The following NUP54 variants were observed in gnomAD, a reference collection of about 807,000 sequenced individuals.
NUP54 encodes the protein nucleoporin 54.
NUP54 carries 27 observed loss-of-function variants against 66.4 expected under a neutral mutation model. The ratio of observed to expected loss-of-function variants is 0.41; its 90% confidence interval spans 0.30 to 0.56. The LOEUF (loss-of-function observed/expected upper bound fraction) is 0.56, where lower values mean the gene tolerates loss of function less well. Among genes scored for constraint, NUP54 ranks in the 20% least tolerant of loss-of-function variants. The pLI, the probability that NUP54 is intolerant of heterozygous loss-of-function variation, is 0.34. For synonymous variants in NUP54, 206 were observed against 210.7 expected, an observed-to-expected ratio of 0.98 and a Z score of 0.19; for missense variants, 486 against 596.3, an observed-to-expected ratio of 0.82 and a Z score of 1.93.
intron 11 of NUP54, among the ~76,000 whole-genome samples, chr4:76,116,712 A>G (rs978245445): frequency 6.6e-6 from 1 of 152,208 alleles, no homozygotes; most frequent in Admixed American, 6.5e-5. Context: ...CTCAAACTTT[A>G]AAGTGCATAC....
chr4:76,124,812 C>CAG (rs1730397423), intron 8 of NUP54, 56 bp from the exon 9 acceptor site: 2 of 677,434 alleles, frequency 3.0e-6, no homozygotes, highest in Non-Finnish European at 5.2e-6. Flanking sequence ...AACTATTTAT[C>CAG]AGTTACACCT....
intron 1 of NUP54, chr4:76,147,688 G>A (rs966088614): frequency 8.1e-7 from 1 of 1,238,764 alleles, no homozygotes; most frequent in African/African-American, 1.6e-5. Context: ...AGGGGGAGAG[G>A]GAAAAAGAAA....
At chr4:76,133,011 GC>G (rs1730875819) in intron 5 of NUP54, among the ~76,000 whole-genome samples, 1 of 146,450 alleles carries the variant, frequency 6.8e-6, no homozygotes, top group South Asian at 2.2e-4. Context: ...GCTACGTTTA[GC>G]TTACATGTAT....
intron 3 of NUP54, among the ~76,000 whole-genome samples, chr4:76,140,961 C>A (rs1578693064): frequency 6.6e-6 from 1 of 152,178 alleles, no homozygotes; most frequent in Admixed American, 6.5e-5. Flanking sequence ...AAAGAGCTAA[C>A]AGAGCAGAAA....
intron 8 of NUP54, among the ~76,000 whole-genome samples, chr4:76,127,638 C>T (rs1481305184): frequency 6.6e-6 from 1 of 151,806 alleles, no homozygotes; most frequent in African/African-American, 2.4e-5. Flanking sequence ...AAAGAAAATA[C>T]AAGGCAAACA....
chr4:76,139,573 T>C (rs1042194385), intron 3 of NUP54, among the ~76,000 whole-genome samples: 3 of 152,136 alleles, frequency 2.0e-5, no homozygotes, highest in Non-Finnish European at 4.4e-5. Flanking sequence ...AGAAAATGAA[T>C]GTGTGGTCCT....
chr4:76,124,740 A>T lies in NUP54; in HGVS notation c.1073T>A (p.Ile358Asn). 1 of 1,366,396 alleles carries T rather than the reference A, an allele frequency of 7.3e-7. No homozygotes were observed. The highest frequency in any genetic ancestry group is 1.0e-6 in the Non-Finnish European group (1 of 994,584). 84.6% of individuals were successfully genotyped at this position (1,366,396 alleles called of 1,614,324 possible). The change falls in exon 9 of 12, where the codon ATT becomes AAT. Residue 358 changes from isoleucine (I) to asparagine (N), a missense_variant. Physicochemically the swap from Ile to Asn is moderately radical, Grantham distance 149 (BLOSUM62 -3). Coordinates refer to ENST00000264883, the MANE Select transcript of NUP54 (RefSeq NM_017426.4). Reference protein sequence around the residue: ...QTRLDIISEDISELQKNQTTS... With the variant: ...QTRLDIISEDNSELQKNQTTS... ...AGTTTGATTCTTTTGTAGCTCACTAATATCTTCAGATATGATCTGTTTAAA... is the reference window on the plus strand; with the variant it reads ...AGTTTGATTCTTTTGTAGCTCACTATTATCTTCAGATATGATCTGTTTAAA...
intron 9 of NUP54, among the ~76,000 whole-genome samples, chr4:76,124,405 T>C (rs1302107482): frequency 6.6e-6 from 1 of 152,186 alleles, no homozygotes; most frequent in African/African-American, 2.4e-5. Context: ...GATGCTTTAT[T>C]TCTTCACTGC....
chr4:76,140,075 CTT>C (rs1171596503), intron 3 of NUP54, among the ~76,000 whole-genome samples: 1 of 151,936 alleles, frequency 6.6e-6, no homozygotes, highest in African/African-American at 2.4e-5. Flanking sequence ...AAAAAATAAA[CTT>C]TGAGTTACTT....
At chr4:76,119,668 G>A (rs1049787106) in intron 9 of NUP54, among the ~76,000 whole-genome samples, 2 of 151,702 alleles carry the variant, frequency 1.3e-5, no homozygotes, top group Non-Finnish European at 2.9e-5. Context: ...GTGGGCCACT[G>A]TGCCAGGCTG....
At chr4:76,132,877 A>G in intron 5 of NUP54, among the ~76,000 whole-genome samples, 158 bp from the exon 6 acceptor site, 1 of 141,690 alleles carries the variant, frequency 7.1e-6, no homozygotes, top group African/African-American at 2.7e-5. Context: ...TTTTTTTTTG[A>G]GCAAGGTTTG....
At chr4:76,129,768 GGAA>G (rs1250305248) in intron 8 of NUP54, among the ~76,000 whole-genome samples, 1 of 150,250 alleles carries the variant, frequency 6.7e-6, no homozygotes, top group Non-Finnish European at 1.5e-5. Context: ...CGGAGGCTGA[GGAA>G]GGAGAATGGC....
chr4:76,132,063 A>T (rs1279820554), intron 6 of NUP54, among the ~76,000 whole-genome samples: 1 of 152,142 alleles, frequency 6.6e-6, no homozygotes, highest in Non-Finnish European at 1.5e-5. Context: ...TTCAAATCAC[A>T]GATAAAGGAT....
At chr4:76,129,689 C>A (rs1044275551) in intron 8 of NUP54, among the ~76,000 whole-genome samples, 4 of 151,742 alleles carry the variant, frequency 2.6e-5, no homozygotes, top group African/African-American at 9.7e-5. Flanking sequence ...CACGGTGAAA[C>A]CCCGTCTCTA....
In NUP54 at chr4:76,117,708, C is replaced by T; in HGVS notation, c.1351G>A (p.Glu451Lys). The T allele has an allele frequency of 1.2e-6, 2 of 1,613,766 alleles. No homozygotes were observed. The highest frequency in any genetic ancestry group is 1.7e-6 in the Non-Finnish European group (2 of 1,179,702). Residue 451 changes from glutamate (E) to lysine (K), a missense_variant, in exon 11 of 12, where the codon GAA becomes AAA. Glu to Lys is a moderately conservative substitution (Grantham distance 56). This residue lies in a region of NUP54 where 83 missense variants were observed against 128.6 expected (regional missense o/e 0.65). Transcript: ENST00000264883. ...QNHFGAVRSEERYYIDADLLR... is the reference protein window; with the variant it reads ...QNHFGAVRSEKRYYIDADLLR... Reference sequence around the variant, plus strand: ...AGATCTGCATCTATGTAATACCTTTCTTCAGATCTGACTGCTCCAAAATGA... The same window carrying T: ...AGATCTGCATCTATGTAATACCTTTTTTCAGATCTGACTGCTCCAAAATGA...
chr4:76,132,415 G>A (rs1350016212), intron 6 of NUP54, 108 bp downstream of exon 6: 2 of 735,266 alleles, frequency 2.7e-6, no homozygotes, highest in Non-Finnish European at 2.1e-6. Context: ...ATGACAAGAT[G>A]ATACTAATTT....
chr4:76,128,335 A>G (rs988733012), intron 8 of NUP54, among the ~76,000 whole-genome samples: 2 of 151,820 alleles, frequency 1.3e-5, no homozygotes, highest in Admixed American at 1.3e-4. Flanking sequence ...CACCACCACC[A>G]CAAGCCACTA....
At chr4:76,141,790 A>G (rs540376771) in intron 3 of NUP54, among the ~76,000 whole-genome samples, 52 of 152,336 alleles carry the variant, frequency 3.4e-4, no homozygotes, top group African/African-American at 1.3e-3. Context: ...AATTGCTTAA[A>G]GGACAGCTCC....
At chr4:76,141,576 A>T (rs770192370) in intron 3 of NUP54, among the ~76,000 whole-genome samples, 4 of 151,996 alleles carry the variant, frequency 2.6e-5, no homozygotes, top group Non-Finnish European at 5.9e-5. Context: ...TCTCTCTCAA[A>T]TTCACATCCT....
Sources: allele counts gnomAD v4.1 joint callset (sites outside exome capture counted in the v4.1 genomes callset), GRCh38; gene constraint gnomAD v4.1.1; regional missense constraint gnomAD v4.1.1; transcripts MANE v1.5; gene names NCBI Gene and HGNC (gene_info 2026-07-23, HGNC 2026-07-21).